Variants in NRXN1 observed in about 807,000 individuals in gnomAD.
NRXN1 encodes the protein neurexin 1, also known as neurexin-1.
In NRXN1, 39 loss-of-function variants were observed where a neutral mutation model predicts 150.9. That is an observed-to-expected ratio of 0.26 (90% CI 0.20 to 0.34). NRXN1 has a LOEUF of 0.34. Among genes scored for constraint, NRXN1 ranks in the 10% least tolerant of loss-of-function variants. The pLI is 1.00. For synonymous variants in NRXN1, 924 were observed against 757.0 expected (o/e 1.22, Z -3.62); for missense variants, 1,815 against 1,949.9 (o/e 0.93, Z 1.30).
intron 2 of NRXN1, among the ~76,000 whole-genome samples, chr2:51,004,211 T>C (rs747825331): frequency 6.6e-6 from 1 of 151,944 alleles, no homozygotes; most frequent in African/African-American, 2.4e-5. Context: ...ACACCTGCCA[T>C]GAATAAAATT....
chr2:50,011,315 G>A (rs1293148784), intron 21 of NRXN1, among the ~76,000 whole-genome samples: 2 of 152,072 alleles, frequency 1.3e-5, no homozygotes, highest in Admixed American at 6.6e-5. Context: ...GGAAGATTTG[G>A]AGCTGTGCTC....
chr2:49,980,144 C>T (rs962339958), intron 21 of NRXN1, among the ~76,000 whole-genome samples: 1 of 152,132 alleles, frequency 6.6e-6, no homozygotes, highest in African/African-American at 2.4e-5. Flanking sequence ...AAGTCTACGA[C>T]TACATTTTGA....
At chr2:50,215,344 A>G (rs1218704747) in intron 18 of NRXN1, among the ~76,000 whole-genome samples, 1 of 152,062 alleles carries the variant, frequency 6.6e-6, no homozygotes, top group Non-Finnish European at 1.5e-5. Context: ...AATAAATACT[A>G]TATGTTATGT....
At chr2:50,820,481 T>C (rs538764062) in intron 5 of NRXN1, among the ~76,000 whole-genome samples, 1 of 152,130 alleles carries the variant, frequency 6.6e-6, no homozygotes, top group Non-Finnish European at 1.5e-5. Flanking sequence ...ATGGACCTCA[T>C]TTAAGACCAC....
intron 2 of NRXN1, among the ~76,000 whole-genome samples, chr2:50,965,353 T>C (rs760506420): frequency 1.3e-4 from 20 of 151,248 alleles, no homozygotes; most frequent in South Asian, 4.1e-4. Flanking sequence ...AAATAACAGA[T>C]TGTCATAAAG....
chr2:50,250,528 C>T (rs1205078967), intron 17 of NRXN1, among the ~76,000 whole-genome samples: 4 of 151,780 alleles, frequency 2.6e-5, no homozygotes, highest in Admixed American at 2.6e-4. Flanking sequence ...AAATACAGAG[C>T]ACAAATCACA....
intron 5 of NRXN1, among the ~76,000 whole-genome samples, chr2:50,651,910 CTA>C (rs2104564402): frequency 6.6e-6 from 1 of 152,140 alleles, no homozygotes; most frequent in South Asian, 2.1e-4. Context: ...TCCTAACACT[CTA>C]TGAATAATGA....
At position 49,918,671 on chromosome 2, in the gene NRXN1, C is replaced by T. The variant is rs927832565; in HGVS notation, c.*3273G>A. 6.6e-6 allele frequency: 1 copy of T among 152,032 alleles called. No homozygotes were observed. Among genetic ancestry groups the T allele is most frequent in the East Asian group, 1.9e-4 (1 of 5,184 alleles). 9.4% of individuals were successfully genotyped at this position (152,032 alleles called of 1,614,324 possible). A position where few individuals can be genotyped will look rare whatever the true frequency, so the allele number is the denominator to read the frequency against. ...AAGATGAACAAATATAACAAAAGTA[C>T]ATTTAATGGCTACATCTTTAAGTGT... is the stretch of plus-strand genomic sequence containing the variant. On this transcript the variant is annotated 3_prime_UTR_variant, in exon 23 of 23. Transcript: ENST00000401669.
chr2:50,738,528 A>C (rs1439394326), intron 5 of NRXN1, among the ~76,000 whole-genome samples: 2 of 152,214 alleles, frequency 1.3e-5, no homozygotes, highest in Admixed American at 6.5e-5. Context: ...TAATAGAAGA[A>C]TACTTCAGCC....
intron 18 of NRXN1, among the ~76,000 whole-genome samples, chr2:50,155,076 GT>G (rs1316698878): frequency 2.6e-5 from 4 of 151,364 alleles, no homozygotes; most frequent in Admixed American, 2.6e-4. Context: ...TTTTAAACCT[GT>G]TTTCCTATTT....
chr2:50,482,991 C>T (rs1293742518), intron 15 of NRXN1, among the ~76,000 whole-genome samples: 1 of 137,208 alleles, frequency 7.3e-6, no homozygotes, highest in African/African-American at 2.7e-5. Flanking sequence ...GCAGTGGTTG[C>T]AGTGAGCCAA....
At chr2:50,521,896 T>C (rs2092798837) in intron 12 of NRXN1, among the ~76,000 whole-genome samples, 1 of 152,094 alleles carries the variant, frequency 6.6e-6, no homozygotes, top group South Asian at 2.1e-4. Context: ...GGTGAGTAGC[T>C]TATGGGGCGA....
At chr2:50,077,057 C>T (rs1198187953) in intron 19 of NRXN1, among the ~76,000 whole-genome samples, 1 of 152,130 alleles carries the variant, frequency 6.6e-6, no homozygotes, top group Non-Finnish European at 1.5e-5. Flanking sequence ...ATGAATCTCC[C>T]TGTGTTTGCT....
chr2:50,353,620 T>C (rs1464405020), intron 17 of NRXN1, among the ~76,000 whole-genome samples: 1 of 152,150 alleles, frequency 6.6e-6, no homozygotes, highest in Non-Finnish European at 1.5e-5. Context: ...AAACACACAA[T>C]AAATATGTTA....
intron 5 of NRXN1, among the ~76,000 whole-genome samples, chr2:50,784,458 CAGGT>C (rs1260714861): frequency 6.6e-6 from 1 of 151,418 alleles, no homozygotes; most frequent in Non-Finnish European, 1.5e-5. Flanking sequence ...GAGGATGTTG[CAGGT>C]AGAGGAAAAG....
chr2:50,109,153 C>T (rs1267028328), intron 18 of NRXN1, among the ~76,000 whole-genome samples: 1 of 151,948 alleles, frequency 6.6e-6, no homozygotes, highest in African/African-American at 2.4e-5. Context: ...ATGTTATTTT[C>T]TTTGTGTTAG....
chr2:50,143,518 T>C (rs1707570081), intron 18 of NRXN1, among the ~76,000 whole-genome samples: 2 of 152,006 alleles, frequency 1.3e-5, no homozygotes, highest in African/African-American at 4.8e-5. Flanking sequence ...GGAAACGATA[T>C]GTAACTTTTA....
chr2:50,688,079 G>C (rs545936774), intron 5 of NRXN1, among the ~76,000 whole-genome samples: 4 of 152,284 alleles, frequency 2.6e-5, no homozygotes, highest in African/African-American at 9.6e-5. Context: ...TGTTGGCTAG[G>C]TGAGATAGAG....
chr2:50,865,129 T>A (rs772438169), intron 5 of NRXN1, among the ~76,000 whole-genome samples: 3 of 151,688 alleles, frequency 2.0e-5, no homozygotes, highest in Admixed American at 6.6e-5. Flanking sequence ...TTCACCTCCA[T>A]CCCAGAATGA....
Sources: allele counts gnomAD v4.1 joint callset (sites outside exome capture counted in the v4.1 genomes callset), GRCh38; gene constraint gnomAD v4.1.1; transcripts MANE v1.5; gene names NCBI Gene and HGNC (gene_info 2026-07-23, HGNC 2026-07-21).